The following SETBP1 variants were observed in gnomAD, a reference collection of about 807,000 sequenced individuals.
SETBP1 encodes the protein SET-binding protein.
In SETBP1, 9 loss-of-function variants were observed where a neutral mutation model predicts 101.0. The observed-to-expected ratio is 0.09, with a 90% CI of 0.05 to 0.16. SETBP1 has a LOEUF of 0.16. SETBP1 is among the 10% of genes least tolerant of loss of function. The pLI is 1.00. For missense variants in SETBP1, 1,858 were observed against 2,033.8 expected (o/e 0.91, Z 1.66); for synonymous variants, 818 against 788.5 (o/e 1.04, Z -0.63).
At chr18:44,705,764 G>A (rs149187315) in intron 2 of SETBP1, among the ~76,000 whole-genome samples, 265 of 152,300 alleles carry the variant, frequency 1.7e-3, no homozygotes, top group African/African-American at 5.9e-3. Context: ...AGGCATATAT[G>A]TGTAGCATCG....
intron 2 of SETBP1, among the ~76,000 whole-genome samples, chr18:44,748,902 G>C (rs770592072): frequency 4.6e-5 from 7 of 152,188 alleles, no homozygotes; most frequent in Admixed American, 3.3e-4. Flanking sequence ...CAGGTGAAGA[G>C]AGGTGGTAAG....
At chr18:44,708,127 G>A (rs1368076313) in intron 2 of SETBP1, among the ~76,000 whole-genome samples, 1 of 152,200 alleles carries the variant, frequency 6.6e-6, no homozygotes, top group South Asian at 2.1e-4. Context: ...ACCTCTGGCT[G>A]CTGCACCCAT....
intron 1 of SETBP1, among the ~76,000 whole-genome samples, chr18:44,691,651 A>G (rs544809839): frequency 6.6e-6 from 1 of 152,156 alleles, no homozygotes; most frequent in Non-Finnish European, 1.5e-5. Flanking sequence ...TATCATAGAG[A>G]TCCCTGAGTA....
intron 2 of SETBP1, among the ~76,000 whole-genome samples, chr18:44,773,526 T>A (rs1052211455): frequency 6.6e-6 from 1 of 152,234 alleles, no homozygotes. Context: ...ATTGAAGTTA[T>A]GTTTTTAACA....
In SETBP1 at chr18:44,813,623, A is replaced by G. The variant is rs369418248; in HGVS notation, c.487-55607A>G. Among the ~76,000 whole-genome samples the G allele has an allele frequency of 1.8e-3, 267 of 152,342 alleles. 3 individuals carry two copies. The highest frequency in any genetic ancestry group is 6.2e-3 in the African/African-American group (257 of 41,580). The stretch of plus-strand genomic sequence containing the variant: ...GGCTCTACATTTCTATGATTTTGCC[A>G]TCATTAAAAAGGGAAACTTACGCAG... On this transcript the variant is annotated intron_variant, in intron 2 of 5. Transcript: ENST00000649279.
In SETBP1 at chr18:45,063,070, C is replaced by T. The variant is rs779929414; in HGVS notation, c.4172-9C>T. ...TGTGCTCAATTTCTTATCTCTTCCC[C>T]TCCCGCAGTCGGCTCCTCCCTGAAG... On this transcript the variant is annotated splice_polypyrimidine_tract_variant and intron_variant, in intron 5 of 5. Transcript: ENST00000649279. The T allele has an allele frequency of 3.1e-6, 5 of 1,613,866 alleles. No homozygotes were observed. The highest frequency in any genetic ancestry group is 1.7e-4 in the Middle Eastern group (1 of 6,056).
chr18:44,876,499 G>A, intron 3 of SETBP1: 1 of 1,136,412 alleles, frequency 8.8e-7, no homozygotes, highest in Non-Finnish European at 1.3e-6. Flanking sequence ...ATTGGTCTGG[G>A]TGGGGTCTGG....
intron 2 of SETBP1, among the ~76,000 whole-genome samples, chr18:44,741,481 C>T (rs1256248314): frequency 6.6e-6 from 1 of 152,166 alleles, no homozygotes; most frequent in Non-Finnish European, 1.5e-5. Context: ...TTTTCGGTTC[C>T]ATGCAAACCC....
intron 4 of SETBP1, among the ~76,000 whole-genome samples, chr18:44,963,398 C>G (rs147097750): frequency 3.2e-4 from 49 of 152,246 alleles, no homozygotes; most frequent in Middle Eastern, 3.4e-3. Context: ...GCCTTTAGCT[C>G]ACCTGGGGAA....
intron 4 of SETBP1, among the ~76,000 whole-genome samples, chr18:45,006,229 G>A (rs147738983): frequency 0.017 from 2,609 of 152,190 alleles, 30 homozygotes; most frequent in Non-Finnish European, 0.023. Context: ...TGGGATTACA[G>A]GCGTGAGCCA....
intron 2 of SETBP1, among the ~76,000 whole-genome samples, chr18:44,709,534 GT>G (rs1349387716): frequency 6.6e-6 from 1 of 152,172 alleles, no homozygotes; most frequent in Non-Finnish European, 1.5e-5. Context: ...GCCCCTCCTT[GT>G]TGATGTCACT....
intron 3 of SETBP1, among the ~76,000 whole-genome samples, chr18:44,885,716 C>T (rs2069626104): frequency 6.6e-6 from 1 of 151,680 alleles, no homozygotes; most frequent in African/African-American, 2.4e-5. Flanking sequence ...AGGTCACTGA[C>T]AACCTGAGTG....
chr18:45,040,592 G>C (rs1482526770), intron 5 of SETBP1, among the ~76,000 whole-genome samples: 2 of 151,550 alleles, frequency 1.3e-5, no homozygotes, highest in Admixed American at 1.3e-4. Flanking sequence ...GCCAAAGACA[G>C]GTGGTCCCCC....
At chr18:44,971,674 C>A (rs1338266308) in intron 4 of SETBP1, among the ~76,000 whole-genome samples, 1 of 152,194 alleles carries the variant, frequency 6.6e-6, no homozygotes, top group Non-Finnish European at 1.5e-5. Context: ...TAAATATCTT[C>A]TTTTGAGAAG....
At chr18:44,987,227 A>G (rs913145490) in intron 4 of SETBP1, 2 of 152,222 alleles carry the variant, frequency 1.3e-5, no homozygotes, top group East Asian at 3.8e-4. Flanking sequence ...GACCAAAACA[A>G]TGTTATGCCA....
At position 45,068,438 on chromosome 18, in the gene SETBP1, A is replaced by G. The variant is rs1301162163; in HGVS notation, c.*4740A>G. 1 of 150,862 alleles carries G rather than the reference A, an allele frequency of 6.6e-6. No homozygotes were observed. Among genetic ancestry groups the G allele is most frequent in the Non-Finnish European group, 1.5e-5 (1 of 68,014 alleles). The allele number at this position is 150,862 out of a possible 1,614,324, so 9.3% of individuals were successfully genotyped here. On this transcript the variant is annotated 3_prime_UTR_variant, in exon 6 of 6. Transcript: ENST00000649279. Reference sequence around the variant, plus strand: ...TTAGCACAGTATAGAGCACTTAACTATTAAAAAAAAAAAGTTAATCCTATT... The same window carrying G: ...TTAGCACAGTATAGAGCACTTAACTGTTAAAAAAAAAAAGTTAATCCTATT...
chr18:44,753,360 A>C (rs2070428578), intron 2 of SETBP1, among the ~76,000 whole-genome samples: 1 of 152,226 alleles, frequency 6.6e-6, no homozygotes, highest in Non-Finnish European at 1.5e-5. Flanking sequence ...TCCTTCATCC[A>C]TGGGAAACAT....
intron 3 of SETBP1, among the ~76,000 whole-genome samples, chr18:44,885,869 C>T (rs1479782710): frequency 2.1e-5 from 2 of 95,884 alleles, no homozygotes; most frequent in Non-Finnish European, 4.4e-5. Flanking sequence ...AAAAAAAAAA[C>T]AAGGTGACTT....
At chr18:44,869,455 C>T in intron 3 of SETBP1, 172 bp downstream of exon 3, 1 of 688,404 alleles carries the variant, frequency 1.5e-6, no homozygotes, top group Non-Finnish European at 2.6e-6. Context: ...CAGCTCCTCT[C>T]ATTCTAGCAT....
Sources: gnomAD v4.1 joint callset for allele counts (sites outside exome capture counted in the v4.1 genomes callset) on GRCh38, gnomAD v4.1.1 for gene constraint, MANE v1.5 for transcripts, NCBI Gene and HGNC (gene_info 2026-07-23, HGNC 2026-07-21) for gene names.